ITGAE: variants seen among roughly 807,000 people sequenced by gnomAD.
ITGAE encodes the protein integrin subunit alpha E.
ITGAE carries 99 observed loss-of-function variants against 136.5 expected under a neutral mutation model. The ratio of observed to expected loss-of-function variants is 0.73; its 90% CI spans 0.62 to 0.86. The LOEUF (loss-of-function observed/expected upper bound fraction) is 0.86, where lower values mean the gene tolerates loss of function less well. Ranked by LOEUF, ITGAE falls within the 40% of genes least tolerant of loss-of-function variation. ITGAE has a pLI of 0.00. For missense variants in ITGAE, 1,447 were observed against 1,515.3 expected (o/e 0.95, Z 0.75); for synonymous variants, 613 against 591.8 (o/e 1.04, Z -0.52).
intron 21 of ITGAE, among the ~76,000 whole-genome samples, chr17:3,734,462 T>C (rs1181427305): frequency 6.6e-6 from 1 of 152,218 alleles, no homozygotes; most frequent in Admixed American, 6.5e-5. Context: ...AAACAGACTG[T>C]TTCCTAGTAT....
Position 3,753,786 on chromosome 17 carries a change from C to A in ITGAE, c.1524G>T (p.Glu508Asp), listed in dbSNP as rs752854691. 4.3e-6 allele frequency: 7 copies of A among 1,614,172 alleles called. No homozygotes were observed. In the Admixed American group the frequency reaches 8.3e-5, roughly 19 times the overall value. Residue 508 changes from glutamate to aspartate, a missense_variant, in exon 13 of 31, where the codon GAG becomes GAT. This residue lies in a region of ITGAE where 1,031 missense variants were observed against 1,011.4 expected (regional missense o/e 1.02). Transcript: ENST00000263087. ...EASFLPVLEG[E>D]QMGSYFGSEL... ...GGAGGCTTTCCCCAGCAGGTACCTG[C>A]TCTCCCTCCAGCACTGGCAGGAAGC...
At chr17:3,744,595 C>A (rs1241355532) in intron 18 of ITGAE, among the ~76,000 whole-genome samples, 1 of 152,042 alleles carries the variant, frequency 6.6e-6, no homozygotes, top group African/African-American at 2.4e-5. Context: ...CAGGTGCATG[C>A]CACCACGCCT....
At chr17:3,725,120 T>C (rs2051176572) in intron 26 of ITGAE, 2 of 1,614,060 alleles carry the variant, frequency 1.2e-6, no homozygotes, top group South Asian at 1.1e-5. Context: ...AGAAGAAAAT[T>C]GTGACTGATG....
intron 26 of ITGAE, chr17:3,725,396 T>C (rs781498594): frequency 9.9e-6 from 16 of 1,614,196 alleles, no homozygotes; most frequent in Non-Finnish European, 1.3e-5. Flanking sequence ...TGCAACGCTG[T>C]GAGAAGATTG....
In ITGAE at chr17:3,755,282, G is replaced by A. The variant is rs748727777; in HGVS notation, c.1240-21C>T. 83 of 1,547,040 alleles carry A rather than the reference G, an allele frequency of 5.4e-5. 1 individual carries two copies. In the East Asian group the frequency reaches 1.9e-3, roughly 35 times the overall value. ...TGCCGCTGAAGGGGACGGGGATGGG[G>A]CCCAGATGAGTGGGAGGGACCCAAG... On this transcript the variant is annotated intron_variant, in intron 11 of 30. Coordinates refer to ENST00000263087, the MANE Select transcript of ITGAE (RefSeq NM_002208.5).
intron 1 of ITGAE, among the ~76,000 whole-genome samples, chr17:3,796,422 G>T (rs2053105829): frequency 6.6e-6 from 1 of 152,086 alleles, no homozygotes; most frequent in African/African-American, 2.4e-5. Context: ...TCACTGCCTT[G>T]GAGTCACTGA....
At chr17:3,723,563 G>A (rs1308982781) in intron 27 of ITGAE, 125 bp downstream of exon 27, 6 of 1,114,736 alleles carry the variant, frequency 5.4e-6, no homozygotes, top group Non-Finnish European at 7.8e-6. Context: ...GACGAAGCTA[G>A]GGAGGGCCTG....
At chr17:3,797,464 CTTTT>C (rs573506680) in intron 1 of ITGAE, among the ~76,000 whole-genome samples, 4 of 114,740 alleles carry the variant, frequency 3.5e-5, no homozygotes, top group South Asian at 2.7e-4. Flanking sequence ...TGCGCCTGGC[CTTTT>C]TTTTTTTTTT....
chr17:3,759,540 A>G lies in ITGAE; in HGVS notation c.728T>C (p.Leu243Ser). 1 of 1,612,102 alleles carries G rather than the reference A, an allele frequency of 6.2e-7. No homozygotes were observed. Among genetic ancestry groups the G allele is most frequent in the South Asian group, 1.1e-5 (1 of 91,064 alleles). ...CTGGATCACTCCTCCATACTGCACC[A>G]AGGCAAAGTTGCACTGCAGGGGATG... is the stretch of plus-strand genomic sequence containing the variant. ...YEKCFECNFA[L>S]VQYGGVIQTE... Residue 243 changes from leucine to serine, a missense_variant, in exon 8 of 31, where the codon TTG (leucine) becomes TCG (serine). Around this residue, in one of 3 missense-constraint regions of ITGAE, gnomAD observed 310 missense variants for 416.1 expected, o/e 0.74. Coordinates refer to ENST00000263087, the MANE Select transcript of ITGAE (RefSeq NM_002208.5).
rs377075570 is a variant in ITGAE at position 3,760,525 on chromosome 17, C to T, written c.599-238G>A. On this transcript the variant is annotated intron_variant, in intron 6 of 30. Transcript: ENST00000263087. Reference sequence around the variant, plus strand: ...TGGGATCTCAGCTTACTGCAGCCTCCGCCTCCCGGGTTCAAGCAATCCTCC... The same window carrying T: ...TGGGATCTCAGCTTACTGCAGCCTCTGCCTCCCGGGTTCAAGCAATCCTCC... Among the ~76,000 whole-genome samples, 7 of 149,436 alleles carry T rather than the reference C, an allele frequency of 4.7e-5. No homozygotes were observed. In the East Asian group the frequency reaches 5.9e-4, roughly 13 times the overall value.
At chr17:3,738,795 T>C (rs188295609) in intron 20 of ITGAE, 1 of 152,562 alleles carries the variant, frequency 6.6e-6, no homozygotes, top group Non-Finnish European at 1.5e-5. Context: ...TGTCAGCACG[T>C]GCTACGTATG....
intron 23 of ITGAE, 42 bp downstream of exon 23, chr17:3,731,062 G>T: frequency 1.3e-6 from 2 of 1,505,922 alleles, no homozygotes; most frequent in South Asian, 1.1e-5. Context: ...GATGTCTTCC[G>T]GGGTCATAGC....
chr17:3,727,403 C>CTT (rs34753665), intron 26 of ITGAE, among the ~76,000 whole-genome samples: 2 of 141,436 alleles, frequency 1.4e-5, no homozygotes, highest in Non-Finnish European at 3.1e-5. Flanking sequence ...TTAATTTTTG[C>CTT]TTTTTTTTTT....
intron 1 of ITGAE, chr17:3,784,322 A>G (rs2052735047): frequency 2.8e-6 from 1 of 360,180 alleles, no homozygotes; most frequent in Non-Finnish European, 5.3e-6. Flanking sequence ...GCAAGGATAT[A>G]GAAGATATGA....
intron 1 of ITGAE, among the ~76,000 whole-genome samples, chr17:3,786,075 G>T (rs1326803098): frequency 6.6e-6 from 1 of 151,170 alleles, no homozygotes; most frequent in African/African-American, 2.4e-5. Context: ...GCTGAGGCAG[G>T]AGAATGGCGT....
intron 17 of ITGAE, among the ~76,000 whole-genome samples, chr17:3,747,056 G>A (rs1005054006): frequency 1.4e-4 from 21 of 152,200 alleles, no homozygotes; most frequent in African/African-American, 4.8e-4. Context: ...TTCCAGGGGG[G>A]AGCTCTTGGA....
intron 24 of ITGAE, 50 bp downstream of exon 24, chr17:3,729,428 C>A (rs773886189): frequency 8.7e-7 from 1 of 1,148,494 alleles, no homozygotes; most frequent in African/African-American, 1.5e-5. Context: ...CCCAAAGCTG[C>A]CCCCTGGGCG....
chr17:3,741,068 G>GTTTT (rs1447955211), intron 19 of ITGAE, among the ~76,000 whole-genome samples: 49 of 110,542 alleles, frequency 4.4e-4, no homozygotes, highest in African/African-American at 1.6e-3. Context: ...GTTTTTTGTT[G>GTTTT]TATTTTTTTT....
intron 20 of ITGAE, among the ~76,000 whole-genome samples, chr17:3,736,264 ACACTATTG>A (rs2051457834): frequency 6.6e-6 from 1 of 152,200 alleles, no homozygotes; most frequent in African/African-American, 2.4e-5. Flanking sequence ...AGCCATGAGC[ACACTATTG>A]CACTCCAGCC....
Sources: allele counts gnomAD v4.1 joint callset (sites outside exome capture counted in the v4.1 genomes callset), GRCh38; gene constraint gnomAD v4.1.1; regional missense constraint gnomAD v4.1.1; transcripts MANE v1.5; gene names NCBI Gene and HGNC (gene_info 2026-07-23, HGNC 2026-07-21).